SORCS3: variants seen among roughly 807,000 people sequenced by gnomAD.
The protein encoded by SORCS3 is sortilin related VPS10 domain containing receptor 3.
SORCS3 carries 57 observed loss-of-function variants against 146.3 expected under a neutral mutation model. The ratio of observed to expected loss-of-function variants is 0.39; its 90% CI spans 0.31 to 0.49. The LOEUF (loss-of-function observed/expected upper bound fraction) is 0.49. Among genes scored for constraint, SORCS3 ranks in the 20% least tolerant of loss-of-function variants. SORCS3 has a pLI of 0.92. For missense variants in SORCS3, 1,341 were observed against 1,575.5 expected (o/e 0.85, Z 2.52); for synonymous variants, 653 against 618.5 (o/e 1.06, Z -0.83).
chr10:105,172,189 A>G (rs71473547), intron 13 of SORCS3, among the ~76,000 whole-genome samples: 16,556 of 152,214 alleles, frequency 0.11, 1,047 homozygotes, highest in Admixed American at 0.17. Flanking sequence ...AAGGACCTCA[A>G]TGTATTTCTT....
Position 105,252,886 on chromosome 10 carries a change from A to C in SORCS3, c.3217A>C (p.Asn1073His). ...GAACCTGACAGAGAGGAGGAAAGGCAATGAAGGGGACCTGGAACAAGTAAG... is the reference window on the plus strand; with the variant it reads ...GAACCTGACAGAGAGGAGGAAAGGCCATGAAGGGGACCTGGAACAAGTAAG... ...PKNLTERRKGNEGDLEQIVET... is the reference protein window; with the variant it reads ...PKNLTERRKGHEGDLEQIVET... The change falls in exon 23 of 27, where the codon AAT becomes CAT. Residue 1073 changes from asparagine to histidine, a missense_variant. Physicochemically the swap from Asn to His is moderately conservative, Grantham distance 68 (BLOSUM62 1). Coordinates refer to ENST00000369701, the MANE Select transcript of SORCS3 (RefSeq NM_014978.3). The C allele has an allele frequency of 6.2e-7, 1 of 1,613,768 alleles. No individual in the cohort carries two copies. The highest frequency in any genetic ancestry group is 8.5e-7 in the Non-Finnish European group (1 of 1,179,846).
chr10:105,176,440 C>G (rs778634421), intron 13 of SORCS3, among the ~76,000 whole-genome samples: 1 of 151,974 alleles, frequency 6.6e-6, no homozygotes, highest in Non-Finnish European at 1.5e-5. Flanking sequence ...GTAGTTCTAG[C>G]TATTTGGGAG....
chr10:104,705,227 T>TG (rs1491061501), intron 1 of SORCS3, among the ~76,000 whole-genome samples: 1 of 14,254 alleles, frequency 7.0e-5, no homozygotes, highest in Non-Finnish European at 2.2e-4. Context: ...AGGCCTTCGT[T>TG]TTTTTTTTTT....
At chr10:104,868,785 A>G (rs187119288) in intron 2 of SORCS3, among the ~76,000 whole-genome samples, 26 of 152,332 alleles carry the variant, frequency 1.7e-4, no homozygotes, top group Admixed American at 1.4e-3. Context: ...GTCTAGCAAC[A>G]TTGGAGCAAC....
chr10:105,152,149 T>C (rs1180470926), intron 9 of SORCS3, among the ~76,000 whole-genome samples: 2 of 152,314 alleles, frequency 1.3e-5, no homozygotes, highest in East Asian at 3.9e-4. Context: ...GCTGCCGGTG[T>C]GATACATTTT....
At chr10:105,212,996 A>G (rs1292394876) in intron 17 of SORCS3, among the ~76,000 whole-genome samples, 3 of 152,226 alleles carry the variant, frequency 2.0e-5, no homozygotes, top group Non-Finnish European at 4.4e-5. Flanking sequence ...AATTTTAATA[A>G]TGTTTTCTTT....
intron 1 of SORCS3, among the ~76,000 whole-genome samples, chr10:104,727,533 A>G (rs1378220851): frequency 1.7e-5 from 2 of 114,952 alleles, no homozygotes; most frequent in East Asian, 4.2e-4. Context: ...TAGAAGGGAT[A>G]TATGTGTGTG....
intron 14 of SORCS3, among the ~76,000 whole-genome samples, chr10:105,193,400 A>C (rs1436230768): frequency 1.3e-5 from 2 of 152,206 alleles, no homozygotes; most frequent in Non-Finnish European, 2.9e-5. Context: ...ATCATTAATC[A>C]ACCCAGAAGT....
chr10:105,194,830 C>G (rs1165718703), intron 14 of SORCS3, among the ~76,000 whole-genome samples: 3 of 152,076 alleles, frequency 2.0e-5, no homozygotes, highest in African/African-American at 7.2e-5. Flanking sequence ...GTCCTGGGGC[C>G]AGCAACATCA....
chr10:104,711,839 G>A (rs2016419739), intron 1 of SORCS3, among the ~76,000 whole-genome samples: 1 of 152,204 alleles, frequency 6.6e-6, no homozygotes, highest in African/African-American at 2.4e-5. Context: ...AGCTAAGGGT[G>A]TTGTCCTGTG....
At chr10:104,980,118 C>T (rs1012892184) in intron 4 of SORCS3, among the ~76,000 whole-genome samples, 1 of 152,208 alleles carries the variant, frequency 6.6e-6, no homozygotes, top group East Asian at 1.9e-4. Context: ...TACTTTCAGA[C>T]TTGGTGGCTG....
chr10:105,138,303 G>A lies in SORCS3; in HGVS notation c.1213-1094G>A, dbSNP rs76614446. Among the ~76,000 whole-genome samples the A allele has an allele frequency of 1.1e-3, 165 of 152,080 alleles. 1 individual carries two copies. The highest frequency in any genetic ancestry group is 3.4e-3 in the African/African-American group (141 of 41,468). ...GATCTGTGCAGAGCAAGGGGTAGCCGTGGGAGATGTCATCTCCCTCCCCGA... is the reference window on the plus strand; with the variant it reads ...GATCTGTGCAGAGCAAGGGGTAGCCATGGGAGATGTCATCTCCCTCCCCGA... On this transcript the variant is annotated intron_variant, in intron 7 of 26. Transcript: ENST00000369701.
chr10:104,799,899 A>T (rs897055920), intron 1 of SORCS3, among the ~76,000 whole-genome samples: 1 of 151,884 alleles, frequency 6.6e-6, no homozygotes, highest in African/African-American at 2.4e-5. Flanking sequence ...GATGGTCTTG[A>T]TCTCCTGACC....
At chr10:105,227,519 C>G (rs1013841685) in intron 20 of SORCS3, among the ~76,000 whole-genome samples, 3 of 152,036 alleles carry the variant, frequency 2.0e-5, no homozygotes, top group African/African-American at 7.2e-5. Context: ...TGTATATTCT[C>G]TAGCTCTTGG....
Position 105,019,165 on chromosome 10 carries a change from T to A in SORCS3, c.955-23890T>A, listed in dbSNP as rs973896877. 1.6e-4 allele frequency among the ~76,000 whole-genome samples: 25 copies of A among 152,352 alleles called. No homozygotes were observed. In the East Asian group the frequency reaches 4.8e-3, roughly 29 times the overall value. ...GCTTCTTTATGTACTGACACCAGATTAAAATTTCTACAAAACTACATATCT... is the reference window on the plus strand; with the variant it reads ...GCTTCTTTATGTACTGACACCAGATAAAAATTTCTACAAAACTACATATCT... On this transcript the variant is annotated intron_variant, in intron 4 of 26. Transcript: ENST00000369701.
chr10:104,709,887 G>A (rs1278384363), intron 1 of SORCS3, among the ~76,000 whole-genome samples: 1 of 151,344 alleles, frequency 6.6e-6, no homozygotes, highest in African/African-American at 2.4e-5. Flanking sequence ...AACTCAGGCA[G>A]TGGTGTTGGT....
At chr10:104,793,953 C>G in intron 1 of SORCS3, among the ~76,000 whole-genome samples, 1 of 152,198 alleles carries the variant, frequency 6.6e-6, no homozygotes, top group Non-Finnish European at 1.5e-5. Flanking sequence ...AATGGAATTT[C>G]GGGAATGACC....
intron 3 of SORCS3, among the ~76,000 whole-genome samples, chr10:104,930,239 A>G (rs1415022441): frequency 6.6e-6 from 1 of 152,262 alleles, no homozygotes; most frequent in Non-Finnish European, 1.5e-5. Flanking sequence ...GAGAGGACAC[A>G]TTGCAGCAAA....
intron 9 of SORCS3, among the ~76,000 whole-genome samples, chr10:105,155,949 T>TA (rs902265600): frequency 2.6e-5 from 4 of 152,178 alleles, no homozygotes; most frequent in African/African-American, 9.7e-5. Context: ...TCAGGTTACT[T>TA]AAAAAAAGAA....
Sources: allele counts gnomAD v4.1 joint callset (sites outside exome capture counted in the v4.1 genomes callset), GRCh38; gene constraint gnomAD v4.1.1; transcripts MANE v1.5; gene names NCBI Gene and HGNC (gene_info 2026-07-23, HGNC 2026-07-21).